The following SIGMAR1 variants were observed in gnomAD, a reference collection of about 807,000 sequenced individuals.
The protein encoded by SIGMAR1 is sigma non-opioid intracellular receptor 1.
A neutral mutation model predicts 25.4 loss-of-function variants in SIGMAR1; 18 were observed. The observed-to-expected ratio is 0.71, with a 90% CI of 0.49 to 1.05. The LOEUF (loss-of-function observed/expected upper bound fraction) is 1.05, where lower values mean the gene tolerates loss of function less well. Among genes scored for constraint, SIGMAR1 ranks in the 50% least tolerant of loss-of-function variants. The pLI is 0.00. For missense variants in SIGMAR1, 249 were observed against 301.6 expected (o/e 0.83, Z 1.29); for synonymous variants, 125 against 131.6 (o/e 0.95, Z 0.34).
intron 3 of SIGMAR1, among the ~76,000 whole-genome samples, chr9:34,636,351 C>G (rs1171745599): frequency 4.1e-5 from 6 of 145,712 alleles, no homozygotes; most frequent in African/African-American, 1.3e-4. Flanking sequence ...GGCAGGGGAG[C>G]GGCCGGGCGC....
chr9:34,636,835 A>T, intron 3 of SIGMAR1, 162 bp downstream of exon 3: 1 of 677,428 alleles, frequency 1.5e-6, no homozygotes, highest in South Asian at 1.6e-5. Context: ...AGAGTCCCTC[A>T]GCTCTGCCCC....
At chr9:34,636,944 G>T in intron 3 of SIGMAR1, 53 bp downstream of exon 3, 2 of 1,450,590 alleles carry the variant, frequency 1.4e-6, no homozygotes, top group Non-Finnish European at 9.6e-7. Context: ...CCGCAATTGT[G>T]GGCACCCCCC....
At chr9:34,636,613 C>T (rs529598695) in intron 3 of SIGMAR1, 5 of 308,806 alleles carry the variant, frequency 1.6e-5, no homozygotes, top group Admixed American at 1.3e-4. Flanking sequence ...CCAGCCTGGG[C>T]GACTGAGCAA....
chr9:34,635,377 C>T lies in SIGMAR1; in HGVS notation c.*255G>A, dbSNP rs914857726. The T allele has an allele frequency of 1.9e-5, 10 of 539,674 alleles. No individual in the cohort carries two copies. Among genetic ancestry groups the T allele is most frequent in the Non-Finnish European group, 2.0e-5 (6 of 300,266 alleles). 33.4% of individuals were successfully genotyped at this position (539,674 alleles called of 1,614,324 possible). A position where few individuals can be genotyped will look rare whatever the true frequency, so the allele number is the denominator to read the frequency against. The stretch of plus-strand genomic sequence containing the variant: ...AACACAACTGGCTCCCTTGGTATAC[C>T]GGGGGCTCCCTCTCCAGATGGGTGT... On this transcript the variant is annotated 3_prime_UTR_variant, in exon 4 of 4. Transcript: ENST00000277010. This position sits in a 1 kb window ranked among gnomAD's most constrained non-coding sequence, Gnocchi z 4.5.
In SIGMAR1 at chr9:34,635,000, G is replaced by T; in HGVS notation, c.*632C>A. The T allele has an allele frequency of 6.2e-6, 1 of 160,734 alleles. No homozygotes were observed. The highest frequency in any genetic ancestry group is 1.4e-5 in the Non-Finnish European group (1 of 72,296). 10.0% of individuals were successfully genotyped at this position (160,734 alleles called of 1,614,324 possible). A position where few individuals can be genotyped will look rare whatever the true frequency, so the allele number is the denominator to read the frequency against. ...CTGGAATGGAAGACGCTGACTTCAA[G>T]CATTCTTCAAATTACTCTCGTTCCC... is the stretch of plus-strand genomic sequence containing the variant. On this transcript the variant is annotated 3_prime_UTR_variant, in exon 4 of 4. Coordinates refer to ENST00000277010, the MANE Select transcript of SIGMAR1 (RefSeq NM_005866.4).
In SIGMAR1 at chr9:34,637,374, C is replaced by T. The variant is rs756841280; in HGVS notation, c.198G>A (p.Arg66=). ...GCAGCACGTGGCCTGGGTGCAGCCG[C>T]CGCAGCTCCACGATCAGACGAGAGA... The part of the protein sequence containing the change: ...LAFSRLIVEL[R]RLHPGHVLPD... The change falls in exon 2 of 4, where the codon CGG becomes CGA. Residue 66 remains arginine, a synonymous_variant. Transcript: ENST00000277010. 1 of 1,606,084 alleles carries T rather than the reference C, an allele frequency of 6.2e-7. No individual in the cohort carries two copies. Among genetic ancestry groups the T allele is most frequent in the Non-Finnish European group, 8.5e-7 (1 of 1,179,646 alleles).
Position 34,637,239 on chromosome 9 carries a change from C to G in SIGMAR1, c.333G>C (p.Leu111Phe). The part of the protein sequence containing the change: ...SEYVLLFGTA[L>F]GSRGHSGRYW... ...ACTGACCCGAGTGGCCGCGGGAGCC[C>G]AAGGCGGTGCCGAAGAGCAGCACAT... Residue 111 changes from leucine (L) to phenylalanine (F), a missense_variant, in exon 2 of 4, where the codon TTG becomes TTC. Transcript: ENST00000277010. The G allele has an allele frequency of 3.2e-6, 5 of 1,560,198 alleles. No individual in the cohort carries two copies. Among genetic ancestry groups the G allele is most frequent in the Non-Finnish European group, 4.3e-6 (5 of 1,157,244 alleles).
At position 34,637,315 on chromosome 9, in the gene SIGMAR1, G is replaced by C; in HGVS notation, c.257C>G (p.Ala86Gly). The C allele has an allele frequency of 6.2e-7, 1 of 1,600,096 alleles. No homozygotes were observed. Among genetic ancestry groups the C allele is most frequent in the Non-Finnish European group, 8.5e-7 (1 of 1,176,692 alleles). ...GCACATGGCGCCCATCCAGCCACCC[G>C]CATTCACGAACACCCACTGCAGCTC... ...DEELQWVFVN[A>G]GGWMGAMCLL... Residue 86 changes from alanine to glycine, a missense_variant, in exon 2 of 4, where the codon GCG (alanine) becomes GGG (glycine). Ala to Gly is a moderately conservative substitution (Grantham distance 60). Transcript: ENST00000277010.
chr9:34,635,568 A>C lies in SIGMAR1; in HGVS notation c.*64T>G. 6.2e-7 allele frequency: 1 copy of C among 1,606,670 alleles called. No homozygotes were observed. Among genetic ancestry groups the C allele is most frequent in the African/African-American group, 1.3e-5 (1 of 74,918 alleles). ...CCTGTCTGTAAACATGGGCTCCAGCAAGTGGATATGTGCGGGCCTGCCCGC... is the reference window on the plus strand; with the variant it reads ...CCTGTCTGTAAACATGGGCTCCAGCCAGTGGATATGTGCGGGCCTGCCCGC... On this transcript the variant is annotated 3_prime_UTR_variant, in exon 4 of 4. Transcript: ENST00000277010. The surrounding 1 kb of genome is among the most constrained non-coding windows in gnomAD (Gnocchi z 4.5).
chr9:34,637,308 G>A lies in SIGMAR1; in HGVS notation c.264C>T (p.Gly88=). 6.3e-7 allele frequency: 1 copy of A among 1,597,396 alleles called. No homozygotes were observed. ...GCAGAAGGCACATGGCGCCCATCCA[G>A]CCACCCGCATTCACGAACACCCACT... ...ELQWVFVNAG[G]WMGAMCLLHA... The change falls in exon 2 of 4, where the codon GGC becomes GGT. Residue 88 remains glycine (G), a synonymous_variant. Transcript: ENST00000277010.
At position 34,636,899 on chromosome 9, in the gene SIGMAR1, C is replaced by A. The variant is rs879445361; in HGVS notation, c.445+98G>T. On this transcript the variant is annotated intron_variant, in intron 3 of 3. Transcript: ENST00000277010. Reference sequence around the variant, plus strand: ...TGGAGGAAGGGAACCATGAGGAGGGCCCCCCCAACACACTCCTTTTCCATG... The same window carrying A: ...TGGAGGAAGGGAACCATGAGGAGGGACCCCCCAACACACTCCTTTTCCATG... 9.2e-5 allele frequency: 89 copies of A among 969,048 alleles called. 1 individual carries two copies. In the Admixed American group the frequency reaches 1.7e-3, roughly 19 times the overall value. 60.0% of individuals were successfully genotyped at this position (969,048 alleles called of 1,614,324 possible).
In SIGMAR1 at chr9:34,635,842, G is replaced by A. The variant is rs752975380; in HGVS notation, c.462C>T (p.His154=). The change falls in exon 4 of 4, where the codon CAC becomes CAT. Residue 154 remains histidine (H), a synonymous_variant. Transcript: ENST00000277010. The surrounding 1 kb of genome is among the most constrained non-coding windows in gnomAD (Gnocchi z 4.5). ...EVFYPGETVV[H]GPGEATAVEW... ...CCACAGCTGTTGCCTCACCAGGCCCGTGTACTACCGTCTCCCCTGGGGGAC... is the reference window on the plus strand; with the variant it reads ...CCACAGCTGTTGCCTCACCAGGCCCATGTACTACCGTCTCCCCTGGGGGAC... 5.0e-6 allele frequency: 8 copies of A among 1,613,894 alleles called. No homozygotes were observed. Among genetic ancestry groups the A allele is most frequent in the African/African-American group, 2.7e-5 (2 of 74,920 alleles).
chr9:34,636,503 C>T (rs540754675), intron 3 of SIGMAR1, among the ~76,000 whole-genome samples: 24 of 152,068 alleles, frequency 1.6e-4, no homozygotes, highest in Admixed American at 1.4e-3. Flanking sequence ...GGCGTGGTGG[C>T]GGGCGCCTGT....
At position 34,637,252 on chromosome 9, in the gene SIGMAR1, A is replaced by G. The variant is rs1403512825; in HGVS notation, c.320T>C (p.Phe107Ser). ...HASLSEYVLL[F>S]GTALGSRGHS... Reference sequence around the variant, plus strand: ...GCCGCGGGAGCCCAAGGCGGTGCCGAAGAGCAGCACATACTCGGACAGCGA... The same window carrying G: ...GCCGCGGGAGCCCAAGGCGGTGCCGGAGAGCAGCACATACTCGGACAGCGA... The change falls in exon 2 of 4, where the codon TTC (phenylalanine) becomes TCC (serine). Residue 107 changes from phenylalanine to serine, a missense_variant. Transcript: ENST00000277010. 5 of 1,565,412 alleles carry G rather than the reference A, an allele frequency of 3.2e-6. No homozygotes were observed. In the East Asian group the frequency reaches 1.2e-4, roughly 37 times the overall value.
chr9:34,634,827 A>G lies in SIGMAR1; in HGVS notation c.*805T>C, dbSNP rs1474825492. The G allele has an allele frequency of 3.5e-5, 5 of 143,394 alleles. No homozygotes were observed. Among genetic ancestry groups the G allele is most frequent in the Admixed American group, 6.9e-5 (1 of 14,538 alleles). The allele number at this position is 143,394 out of a possible 1,614,324, so 8.9% of individuals were successfully genotyped here. On this transcript the variant is annotated 3_prime_UTR_variant, in exon 4 of 4. Coordinates refer to ENST00000277010, the MANE Select transcript of SIGMAR1 (RefSeq NM_005866.4). ...TATGTGTGTGTGTGTGTGTGTGTGT[A>G]TGTGTTGTGTGTGTGTAAAAGGCCT...
At position 34,637,094 on chromosome 9, in the gene SIGMAR1, G is replaced by C; in HGVS notation, c.353-5C>G. On this transcript the variant is annotated splice_polypyrimidine_tract_variant and splice_region_variant and intron_variant, in intron 2 of 3. Transcript: ENST00000277010. ...AGATCTCAGCCCAGTAGCGCCCTGA[G>C]TGACAATCGCACATGACACTATCAG... 6.2e-7 allele frequency: 1 copy of C among 1,613,946 alleles called. No individual in the cohort carries two copies. The highest frequency in any genetic ancestry group is 8.5e-7 in the Non-Finnish European group (1 of 1,180,036).
In SIGMAR1 at chr9:34,637,022, G is replaced by A; in HGVS notation, c.420C>T (p.Thr140=). ...SGTFHQWREG[T]TKSEVFYPGE... is the part of the protein sequence containing the mutation. ...CTGGGTAGAAGACCTCACTTTTGGT[G>A]GTGCCCTCTCTCCACTGGTGGAAGG... Residue 140 remains threonine, a synonymous_variant, in exon 3 of 4, where the codon ACC becomes ACT. Transcript: ENST00000277010. 6.2e-7 allele frequency: 1 copy of A among 1,614,156 alleles called. No individual in the cohort carries two copies. The highest frequency in any genetic ancestry group is 8.5e-7 in the Non-Finnish European group (1 of 1,180,030).
At chr9:34,636,458 C>T (rs1005618893) in intron 3 of SIGMAR1, among the ~76,000 whole-genome samples, 5 of 151,916 alleles carry the variant, frequency 3.3e-5, no homozygotes, top group African/African-American at 9.7e-5. Flanking sequence ...ATGGTGAAAC[C>T]CCGTCTCTAC....
In SIGMAR1 at chr9:34,634,747, A is replaced by C. The variant is rs1034525109; in HGVS notation, c.*885T>G. 8 of 152,268 alleles carry C rather than the reference A, an allele frequency of 5.3e-5. No individual in the cohort carries two copies. The highest frequency in any genetic ancestry group is 1.0e-4 in the Non-Finnish European group (7 of 68,128). The allele number at this position is 152,268 out of a possible 1,614,324, so 9.4% of individuals were successfully genotyped here. On this transcript the variant is annotated 3_prime_UTR_variant, in exon 4 of 4. Transcript: ENST00000277010. ...TGGAACAGATCAACAAATCTTTATT[A>C]ATAGAAACAGACAGATGGACAGAGA... is the stretch of plus-strand genomic sequence containing the variant.
Sources: gnomAD v4.1 joint callset for allele counts (sites outside exome capture counted in the v4.1 genomes callset) on GRCh38, gnomAD v4.1.1 for gene constraint, Gnocchi (gnomAD v3.1) non-coding constraint, MANE v1.5 for transcripts, NCBI Gene and HGNC (gene_info 2026-07-23, HGNC 2026-07-21) for gene names.